The following GUCY1A2 variants were observed in gnomAD, a reference collection of about 807,000 sequenced individuals.
GUCY1A2 encodes guanylate cyclase soluble subunit alpha-2.
Under a neutral mutation model 63.5 loss-of-function variants are expected in GUCY1A2, and 27 were observed. The observed-to-expected ratio is 0.43, with a 90% CI of 0.31 to 0.59. The LOEUF is 0.59. Among genes scored for constraint, GUCY1A2 ranks in the 20% least tolerant of loss-of-function variants. The pLI is 0.11. For missense variants in GUCY1A2, 768 were observed against 913.3 expected (o/e 0.84, Z 2.05); for synonymous variants, 364 against 343.5 (o/e 1.06, Z -0.66).
At position 106,776,446 on chromosome 11, in the gene GUCY1A2, G is replaced by A. The variant is rs781424682; in HGVS notation, c.1829C>T (p.Pro610Leu). 6 of 1,612,464 alleles carry A rather than the reference G, an allele frequency of 3.7e-6. No individual in the cohort carries two copies. The highest frequency in any genetic ancestry group is 2.2e-5 in the East Asian group (1 of 44,848). The change falls in exon 6 of 8, where the codon CCG becomes CTG. Residue 610 changes from proline to leucine, a missense_variant. By Grantham distance (98) the Pro-to-Leu change is moderately conservative. Coordinates refer to ENST00000526355, the MANE Select transcript of GUCY1A2 (RefSeq NM_000855.3). ...GATTGTTGGGAGGGTTACCTGAATC[G>A]GTCTTCCATCAGGTGTCAGCACCTC... is the stretch of plus-strand genomic sequence containing the variant. ...SEEVLTPDGR[P>L]IQMRIGIHSG...
intron 1 of GUCY1A2, among the ~76,000 whole-genome samples, chr11:107,009,840 T>G (rs115387910): frequency 0.024 from 3,583 of 152,294 alleles, 127 homozygotes; most frequent in African/African-American, 0.079. Flanking sequence ...AGCTCACTGC[T>G]CAGTAGTCCT....
At chr11:106,759,138 C>T (rs548986768) in intron 6 of GUCY1A2, among the ~76,000 whole-genome samples, 5 of 150,920 alleles carry the variant, frequency 3.3e-5, no homozygotes, top group African/African-American at 7.4e-5. Context: ...ACATGTACCC[C>T]TTAATCTAAA....
At chr11:106,936,384 T>TA (rs1350863702) in intron 4 of GUCY1A2, among the ~76,000 whole-genome samples, 15 of 152,172 alleles carry the variant, frequency 9.9e-5, no homozygotes, top group African/African-American at 3.6e-4. Context: ...AATTCAGTCT[T>TA]TATTCTCTAC....
At position 106,711,794 on chromosome 11, in the gene GUCY1A2, A is replaced by G. The variant is rs374733064; in HGVS notation, c.1837-3128T>C. ...TTAATTTTGTCTTCATATGTGAAAG[A>G]TACTTTCACTGCATATTGAATTCTA... On this transcript the variant is annotated intron_variant, in intron 6 of 7. Transcript: ENST00000526355. Among the ~76,000 whole-genome samples the G allele has an allele frequency of 8.8e-4, 134 of 152,212 alleles. 6 individuals carry two copies. In the South Asian group the frequency reaches 0.027, roughly 31 times the overall value.
chr11:106,941,144 G>T (rs1266430163), intron 3 of GUCY1A2, among the ~76,000 whole-genome samples: 1 of 152,142 alleles, frequency 6.6e-6, no homozygotes, highest in Non-Finnish European at 1.5e-5. Context: ...ACCCACAAAA[G>T]TAAGGGCAGC....
intron 4 of GUCY1A2, among the ~76,000 whole-genome samples, chr11:106,908,051 A>G (rs1013482855): frequency 2.6e-5 from 4 of 152,160 alleles, no homozygotes; most frequent in African/African-American, 9.6e-5. Context: ...TGTTAGTAGT[A>G]TAACACACAT....
At chr11:106,830,110 C>G (rs1179732643) in intron 4 of GUCY1A2, among the ~76,000 whole-genome samples, 2 of 152,156 alleles carry the variant, frequency 1.3e-5, no homozygotes, top group African/African-American at 4.8e-5. Context: ...TACACTTGTA[C>G]TAAGAAAATA....
chr11:106,827,829 G>A, intron 4 of GUCY1A2: 1 of 1,599,594 alleles, frequency 6.3e-7, no homozygotes, highest in Non-Finnish European at 8.6e-7. Flanking sequence ...AGTGACGCCC[G>A]CGATGCCGCC....
chr11:107,013,206 T>A (rs539099809), intron 1 of GUCY1A2, among the ~76,000 whole-genome samples: 13 of 152,192 alleles, frequency 8.5e-5, no homozygotes, highest in South Asian at 2.1e-4. Context: ...GTTACTTTTT[T>A]TTCCTGACAT....
chr11:106,903,158 C>T (rs1159845649), intron 4 of GUCY1A2, among the ~76,000 whole-genome samples: 1 of 152,060 alleles, frequency 6.6e-6, no homozygotes, highest in East Asian at 1.9e-4. Flanking sequence ...AAAGTCCCAA[C>T]AGCAGAATGC....
intron 5 of GUCY1A2, among the ~76,000 whole-genome samples, chr11:106,795,961 G>C (rs904134112): frequency 4.6e-5 from 7 of 152,042 alleles, no homozygotes; most frequent in Admixed American, 2.0e-4. Flanking sequence ...TTGTAGGTCT[G>C]TAAGGACTTG....
intron 4 of GUCY1A2, among the ~76,000 whole-genome samples, chr11:106,861,858 T>C (rs185411286): frequency 1.3e-5 from 2 of 152,144 alleles, no homozygotes; most frequent in African/African-American, 2.4e-5. Context: ...ACATTAGCTT[T>C]TATTCAACAA....
Position 106,676,473 on chromosome 11 carries a change from T to C in GUCY1A2, c.*11076A>G, listed in dbSNP as rs1398056764. On this transcript the variant is annotated 3_prime_UTR_variant, in exon 8 of 8. Transcript: ENST00000526355. ...AAAAACAGCTATCTGAATATAGGTT[T>C]AAAACCTCAAAGACACAGAGCTAAG... is the stretch of plus-strand genomic sequence containing the variant. The C allele has an allele frequency of 5.4e-6, 1 of 186,868 alleles. No homozygotes were observed. The highest frequency in any genetic ancestry group is 2.3e-5 in the African/African-American group (1 of 42,730). 11.6% of individuals were successfully genotyped at this position (186,868 alleles called of 1,614,324 possible). A position where few individuals can be genotyped will look rare whatever the true frequency, so the allele number is the denominator to read the frequency against.
At chr11:106,976,779 A>T (rs1328146234) in intron 3 of GUCY1A2, among the ~76,000 whole-genome samples, 2 of 152,194 alleles carry the variant, frequency 1.3e-5, no homozygotes, top group African/African-American at 4.8e-5. Context: ...ACCCTGTTAC[A>T]TGATCACCTT....
intron 4 of GUCY1A2, among the ~76,000 whole-genome samples, chr11:106,813,605 T>C (rs1467762654): frequency 1.3e-5 from 2 of 152,050 alleles, no homozygotes; most frequent in African/African-American, 2.4e-5. Flanking sequence ...TCAGGTTTTA[T>C]AAGAAAATCA....
intron 6 of GUCY1A2, among the ~76,000 whole-genome samples, chr11:106,723,133 T>A (rs1459990074): frequency 2.0e-5 from 3 of 152,230 alleles, no homozygotes; most frequent in Admixed American, 1.3e-4. Flanking sequence ...TTCCTCTGAC[T>A]GTGCCCCAAC....
intron 2 of GUCY1A2, among the ~76,000 whole-genome samples, chr11:106,985,037 T>C (rs1343893540): frequency 2.6e-5 from 4 of 152,182 alleles, no homozygotes; most frequent in African/African-American, 9.7e-5. Flanking sequence ...CGAGATTATT[T>C]TTCCATTAAG....
chr11:106,922,057 A>C (rs1860451372), intron 4 of GUCY1A2, among the ~76,000 whole-genome samples: 1 of 152,200 alleles, frequency 6.6e-6, no homozygotes, highest in Non-Finnish European at 1.5e-5. Context: ...ATGAACTTTT[A>C]ACACTTGTAC....
intron 6 of GUCY1A2, among the ~76,000 whole-genome samples, chr11:106,732,468 T>C (rs2135372553): frequency 6.6e-6 from 1 of 152,268 alleles, no homozygotes; most frequent in South Asian, 2.1e-4. Context: ...ATTGAATTTG[T>C]TCACTAAGAC....
Sources: gnomAD v4.1 joint callset for allele counts (sites outside exome capture counted in the v4.1 genomes callset) on GRCh38, gnomAD v4.1.1 for gene constraint, MANE v1.5 for transcripts, NCBI Gene and HGNC (gene_info 2026-07-23, HGNC 2026-07-21) for gene names.